Variants in SMPD3 observed in about 807,000 individuals in gnomAD.
SMPD3 encodes nSMase-2.
SMPD3 carries 21 observed loss-of-function variants against 55.7 expected under a neutral mutation model. That is an observed-to-expected ratio of 0.38 (90% CI 0.27 to 0.54). The LOEUF is 0.54. SMPD3 is among the 20% of genes least tolerant of loss of function. The pLI, the probability that SMPD3 is intolerant of heterozygous loss-of-function variation, is 0.80. For synonymous variants in SMPD3, 457 were observed against 404.3 expected (o/e 1.13, Z -1.56); for missense variants, 842 against 899.6 (o/e 0.94, Z 0.82).
chr16:68,417,375 G>T (rs143350144), intron 1 of SMPD3, among the ~76,000 whole-genome samples: 1 of 152,312 alleles, frequency 6.6e-6, no homozygotes, highest in Non-Finnish European at 1.5e-5. Flanking sequence ...GCTAAGAGGG[G>T]CTGGGTTGAT....
At position 68,363,994 on chromosome 16, in the gene SMPD3, G is replaced by T. The variant is rs192056056; in HGVS notation, c.1556-128C>A. 3.0e-5 allele frequency: 25 copies of T among 847,344 alleles called. No homozygotes were observed. The East Asian group carries it at 3.3e-4, about 11-fold the overall frequency. The allele number at this position is 847,344 out of a possible 1,614,324, so 52.5% of individuals were successfully genotyped here. On this transcript the variant is annotated intron_variant, in intron 5 of 8. Coordinates refer to ENST00000219334, the MANE Select transcript of SMPD3 (RefSeq NM_018667.4). ...CCCCATCCCTTAGGCCACTGCCCCT[G>T]GGTGGGATCTCAGTCCCATTCAGGT...
intron 5 of SMPD3, among the ~76,000 whole-genome samples, chr16:68,364,101 T>G: frequency 6.6e-6 from 1 of 152,158 alleles, no homozygotes; most frequent in Non-Finnish European, 1.5e-5. Flanking sequence ...CAGCATTCCC[T>G]CTGAGGACAG....
intron 1 of SMPD3, among the ~76,000 whole-genome samples, chr16:68,398,481 G>A (rs941914609): frequency 6.6e-6 from 1 of 152,174 alleles, no homozygotes; most frequent in Non-Finnish European, 1.5e-5. Flanking sequence ...GCCTGAGGTG[G>A]CCGAGCTGGA....
At position 68,395,272 on chromosome 16, in the gene SMPD3, T is replaced by C. The variant is rs141398502; in HGVS notation, c.-268-8613A>G. ...GATTTTCCCTTTGTTGGGTGGCAAC[T>C]GTAATCTGGTCGAGAGGAAGGCTTT... On this transcript the variant is annotated intron_variant, in intron 1 of 8. Coordinates refer to ENST00000219334, the MANE Select transcript of SMPD3 (RefSeq NM_018667.4). Among the ~76,000 whole-genome samples, 62 of 152,306 alleles carry C rather than the reference T, an allele frequency of 4.1e-4. 1 individual carries two copies. The East Asian group carries it at 8.1e-3, about 20-fold the overall frequency.
chr16:68,394,299 G>A (rs1157139507), intron 1 of SMPD3, among the ~76,000 whole-genome samples: 3 of 151,888 alleles, frequency 2.0e-5, no homozygotes, highest in Admixed American at 6.6e-5. Flanking sequence ...TACATTTTAG[G>A]TTTCATGTCT....
At chr16:68,407,085 A>C (rs541870981) in intron 1 of SMPD3, among the ~76,000 whole-genome samples, 2 of 152,328 alleles carry the variant, frequency 1.3e-5, no homozygotes, top group East Asian at 3.9e-4. Context: ...AAGCTTGATC[A>C]GGAGAATATT....
chr16:68,380,712 C>A (rs544988029), intron 2 of SMPD3, among the ~76,000 whole-genome samples: 33 of 152,352 alleles, frequency 2.2e-4, no homozygotes, highest in African/African-American at 7.7e-4. Flanking sequence ...GACATGAAGG[C>A]TGATGTTAAT....
intron 2 of SMPD3, among the ~76,000 whole-genome samples, chr16:68,375,154 A>G (rs11645944): frequency 0.57 from 86,020 of 151,698 alleles, 24,822 homozygotes; most frequent in East Asian, 0.79. Flanking sequence ...CCACAGCCCC[A>G]AGCCCACCAC....
At chr16:68,421,565 C>T (rs943753806) in intron 1 of SMPD3, among the ~76,000 whole-genome samples, 4 of 152,228 alleles carry the variant, frequency 2.6e-5, no homozygotes, top group Non-Finnish European at 4.4e-5. Context: ...TCCCCCAGTA[C>T]ACCTGAAGAA....
chr16:68,440,954 A>C (rs918788), intron 1 of SMPD3, among the ~76,000 whole-genome samples: 114,500 of 152,210 alleles, frequency 0.75, 43,553 homozygotes, highest in East Asian at 0.88. Flanking sequence ...ATGTAAATGG[A>C]TTGAAATCTT....
At chr16:68,432,098 A>G (rs2090485133) in intron 1 of SMPD3, among the ~76,000 whole-genome samples, 1 of 152,196 alleles carries the variant, frequency 6.6e-6, no homozygotes, top group Non-Finnish European at 1.5e-5. Context: ...TGGGTGGCAC[A>G]GCAAGACTCT....
At chr16:68,381,234 C>T (rs1055467366) in intron 2 of SMPD3, among the ~76,000 whole-genome samples, 2 of 152,024 alleles carry the variant, frequency 1.3e-5, no homozygotes, top group African/African-American at 4.8e-5. Context: ...CAGGCCACTG[C>T]TCTACACATG....
intron 1 of SMPD3, among the ~76,000 whole-genome samples, chr16:68,410,438 C>T (rs1417123683): frequency 6.6e-6 from 1 of 152,102 alleles, no homozygotes; most frequent in Non-Finnish European, 1.5e-5. Flanking sequence ...CTCCAGGCAT[C>T]AGCACTGTCA....
At chr16:68,387,853 C>T (rs1357717737) in intron 1 of SMPD3, among the ~76,000 whole-genome samples, 3 of 152,230 alleles carry the variant, frequency 2.0e-5, no homozygotes, top group South Asian at 2.1e-4. Flanking sequence ...GCCAAGGCCC[C>T]GTCCATTCTC....
At position 68,371,714 on chromosome 16, in the gene SMPD3, C is replaced by G; in HGVS notation, c.468G>C (p.Gln156His). The G allele has an allele frequency of 6.3e-7, 1 of 1,590,064 alleles. No individual in the cohort carries two copies. The highest frequency in any genetic ancestry group is 8.6e-7 in the Non-Finnish European group (1 of 1,166,692). Residue 156 changes from glutamine (Q) to histidine (H), a missense_variant, in exon 3 of 9, where the codon CAG becomes CAC. Transcript: ENST00000219334. Reference protein sequence around the residue: ...NTQARAKEIGQRIRNGAARPQ... With the variant: ...NTQARAKEIGHRIRNGAARPQ... ...GCCGGGCGGCCCCATTGCGGATTCT[C>G]TGCCCGATCTCCTTGGCCCGCGCTT...
chr16:68,367,066 G>A (rs1038154688), intron 3 of SMPD3, among the ~76,000 whole-genome samples: 19 of 151,986 alleles, frequency 1.3e-4, no homozygotes, highest in Non-Finnish European at 1.5e-5. Flanking sequence ...TATTCAGGAG[G>A]CTGAGGCAGG....
chr16:68,361,186 G>A lies in SMPD3; in HGVS notation c.*20C>T. On this transcript the variant is annotated 3_prime_UTR_variant, in exon 9 of 9. Transcript: ENST00000219334. ...GCTGCAGCTGCAAGGGCTGGCAGAG[G>A]CCCCGCTGCTCCGGACGGTCTATGC... 1 of 1,605,936 alleles carries A rather than the reference G, an allele frequency of 6.2e-7. No individual in the cohort carries two copies.
At chr16:68,392,658 T>G (rs1330609847) in intron 1 of SMPD3, among the ~76,000 whole-genome samples, 1 of 151,864 alleles carries the variant, frequency 6.6e-6, no homozygotes, top group Non-Finnish European at 1.5e-5. Context: ...GGCCAAGAGT[T>G]AGAGACCAGC....
At chr16:68,379,493 G>T (rs903355179) in intron 2 of SMPD3, among the ~76,000 whole-genome samples, 2 of 152,206 alleles carry the variant, frequency 1.3e-5, no homozygotes, top group African/African-American at 4.8e-5. Context: ...TTCCCTTGCT[G>T]CAAAGTCCTG....
Sources: gnomAD v4.1 joint callset for allele counts (sites outside exome capture counted in the v4.1 genomes callset) on GRCh38, gnomAD v4.1.1 for gene constraint, MANE v1.5 for transcripts, NCBI Gene and HGNC (gene_info 2026-07-23, HGNC 2026-07-21) for gene names.